Variants in DTNB observed in about 807,000 individuals in gnomAD.
The protein encoded by DTNB is DTN-B.
A neutral mutation model predicts 90.7 loss-of-function variants in DTNB; 63 were observed. The ratio of observed to expected loss-of-function variants is 0.69; its 90% CI spans 0.57 to 0.86. The LOEUF (loss-of-function observed/expected upper bound fraction) is 0.86, where lower values mean the gene tolerates loss of function less well. Among genes scored for constraint, DTNB ranks in the 40% least tolerant of loss-of-function variants. The probability of loss-of-function intolerance (pLI) is 0.00; values close to 1 mark genes in which losing one functional copy is unlikely to be tolerated. For missense variants in DTNB, 744 were observed against 807.1 expected, an observed-to-expected ratio of 0.92 and a Z score of 0.95; for synonymous variants, 277 against 286.7, an observed-to-expected ratio of 0.97 and a Z score of 0.34.
intron 4 of DTNB, among the ~76,000 whole-genome samples, chr2:25,622,372 T>C (rs181170042): frequency 1.7e-3 from 264 of 152,088 alleles, no homozygotes; most frequent in Non-Finnish European, 2.4e-3. Context: ...TAGTCCCAAA[T>C]AGGAGGATGA....
intron 8 of DTNB, among the ~76,000 whole-genome samples, chr2:25,560,446 AC>A (rs927718753): frequency 2.0e-5 from 3 of 152,182 alleles, no homozygotes; most frequent in African/African-American, 7.2e-5. Context: ...CCTGAATACA[AC>A]AAAAAGGCTG....
At chr2:25,637,101 A>G (rs1444253118) in intron 3 of DTNB, among the ~76,000 whole-genome samples, 1 of 152,182 alleles carries the variant, frequency 6.6e-6, no homozygotes, top group African/African-American at 2.4e-5. Context: ...AAAACAAGAA[A>G]TGGGGAAAGG....
At chr2:25,547,960 A>C (rs555999109) in intron 8 of DTNB, among the ~76,000 whole-genome samples, 1 of 152,336 alleles carries the variant, frequency 6.6e-6, no homozygotes, top group Non-Finnish European at 1.5e-5. Flanking sequence ...AGTTGTTCAT[A>C]GTATTTTCTT....
intron 8 of DTNB, among the ~76,000 whole-genome samples, chr2:25,554,816 A>G (rs964928675): frequency 6.6e-6 from 1 of 152,184 alleles, no homozygotes; most frequent in Admixed American, 6.5e-5. Context: ...TGAAGTTTAA[A>G]AACATGAGAT....
chr2:25,563,270 CTTT>C (rs899928138), intron 8 of DTNB, among the ~76,000 whole-genome samples: 1 of 152,148 alleles, frequency 6.6e-6, no homozygotes, highest in Non-Finnish European at 1.5e-5. Context: ...CTATTTTGCC[CTTT>C]ACCCATTTTA....
At chr2:25,382,215 G>C (rs2038006490) in intron 19 of DTNB, among the ~76,000 whole-genome samples, 1 of 152,170 alleles carries the variant, frequency 6.6e-6, no homozygotes. Context: ...ACCAGCCATT[G>C]CATTTCTCTC....
intron 9 of DTNB, among the ~76,000 whole-genome samples, chr2:25,497,006 A>G (rs1275290242): frequency 1.3e-5 from 2 of 152,154 alleles, no homozygotes; most frequent in Non-Finnish European, 2.9e-5. Flanking sequence ...AAACCTTCAC[A>G]CTCTGTAGCA....
At chr2:25,596,309 C>A in intron 5 of DTNB, 69 bp from the exon 6 acceptor site, 1 of 1,451,354 alleles carries the variant, frequency 6.9e-7, no homozygotes, top group South Asian at 1.4e-5. Flanking sequence ...GGCTCTATGT[C>A]ATTTGTATAC....
chr2:25,451,645 A>T lies in DTNB; in HGVS notation c.1170-10T>A, dbSNP rs2059307739. 2 of 1,569,160 alleles carry T rather than the reference A, an allele frequency of 1.3e-6. No individual in the cohort carries two copies. Among genetic ancestry groups the T allele is most frequent in the East Asian group, 4.6e-5 (2 of 43,516 alleles). ...AGGACTGTCCAGAACACTGCCAAGG[A>T]AATAAAAATGCAACAAGTGTCTATT... On this transcript the variant is annotated splice_polypyrimidine_tract_variant and intron_variant, in intron 11 of 20. Transcript: ENST00000406818.
chr2:25,377,931 G>A (rs756331664), intron 20 of DTNB, among the ~76,000 whole-genome samples: 3 of 152,176 alleles, frequency 2.0e-5, no homozygotes, highest in Non-Finnish European at 4.4e-5. Flanking sequence ...CGGCACCCAA[G>A]TTTTATACTC....
At chr2:25,502,016 T>A (rs1195420039) in intron 9 of DTNB, among the ~76,000 whole-genome samples, 66 of 151,888 alleles carry the variant, frequency 4.3e-4, no homozygotes, top group Admixed American at 4.3e-3. Context: ...TGAGATGCTG[T>A]TTCTACAAAA....
At chr2:25,503,053 CAAAAAAAAAAAAAAAAAAAAAAAA>C (rs58871909) in intron 9 of DTNB, among the ~76,000 whole-genome samples, 7 of 15,332 alleles carry the variant, frequency 4.6e-4, no homozygotes, top group African/African-American at 5.4e-4. Flanking sequence ...GACCCTATCT[CAAAAAAAAAAAAAAAAAAAAAAAA>C]AAAAAAAAAA....
chr2:25,426,627 CAGAG>C (rs2051732279), intron 15 of DTNB: 1 of 152,260 alleles, frequency 6.6e-6, no homozygotes, highest in Admixed American at 6.5e-5. Flanking sequence ...CTCAACCCTT[CAGAG>C]ACAGACTGAA....
intron 2 of DTNB, among the ~76,000 whole-genome samples, chr2:25,646,363 T>C (rs1410853503): frequency 2.6e-5 from 4 of 151,876 alleles, no homozygotes; most frequent in Admixed American, 6.6e-5. Flanking sequence ...TCCCAGCTAC[T>C]TGGGAGGCTG....
rs901017216 is a variant in DTNB, at chr2:25,434,817, T to C, written c.1258-822A>G. On this transcript the variant is annotated intron_variant, in intron 12 of 20. Transcript: ENST00000406818. ...CTAAAGTGGCTGTACCATTTTACAA[T>C]TGCATTAATAATAAATGAGATTTCC... Among the ~76,000 whole-genome samples, 8 of 152,326 alleles carry C rather than the reference T, an allele frequency of 5.3e-5. No individual in the cohort carries two copies. In the East Asian group the frequency reaches 9.6e-4, roughly 18 times the overall value.
intron 5 of DTNB, among the ~76,000 whole-genome samples, chr2:25,599,884 CCCAGGAGTTCAAGG>C (rs1351392631): frequency 1.3e-5 from 2 of 152,044 alleles, no homozygotes; most frequent in East Asian, 3.9e-4. Flanking sequence ...ATCGCTTGAG[CCCAGGAGTTCAAGG>C]CCAGCCTGGG....
At chr2:25,549,938 G>A (rs2083252058) in intron 8 of DTNB, among the ~76,000 whole-genome samples, 1 of 152,110 alleles carries the variant, frequency 6.6e-6, no homozygotes, top group Admixed American at 6.5e-5. Flanking sequence ...TGGGATTACA[G>A]GTGTGAGCCA....
At chr2:25,541,891 T>C (rs1284756484) in intron 8 of DTNB, among the ~76,000 whole-genome samples, 2 of 152,210 alleles carry the variant, frequency 1.3e-5, no homozygotes, top group African/African-American at 4.8e-5. Flanking sequence ...TCACAATGGT[T>C]ACGATTTCTT....
At chr2:25,384,395 G>C (rs2038864890) in intron 18 of DTNB, among the ~76,000 whole-genome samples, 1 of 152,152 alleles carries the variant, frequency 6.6e-6, no homozygotes, top group African/African-American at 2.4e-5. Context: ...TGCCGTCTAA[G>C]GTGCTTTTCC....
Sources: gnomAD v4.1 joint callset for allele counts (sites outside exome capture counted in the v4.1 genomes callset) on GRCh38, gnomAD v4.1.1 for gene constraint, MANE v1.5 for transcripts, NCBI Gene and HGNC (gene_info 2026-07-23, HGNC 2026-07-21) for gene names.